Variants in TPTE2 observed in about 807,000 individuals in gnomAD.
TPTE2 encodes phosphatidylinositol 3,4,5-trisphosphate 3-phosphatase TPTE2.
TPTE2 carries 53 observed loss-of-function variants against 78.6 expected under a neutral mutation model. The ratio of observed to expected loss-of-function variants is 0.67; its 90% CI spans 0.54 to 0.85. The LOEUF (loss-of-function observed/expected upper bound fraction) is 0.85, where lower values mean the gene tolerates loss of function less well. Ranked by LOEUF, TPTE2 falls within the 40% of genes least tolerant of loss-of-function variation. TPTE2 has a pLI of 0.00. For synonymous variants in TPTE2, 175 were observed against 206.2 expected, an observed-to-expected ratio of 0.85 and a Z score of 1.30; for missense variants, 461 against 623.0, an observed-to-expected ratio of 0.74 and a Z score of 2.77.
intron 1 of TPTE2, among the ~76,000 whole-genome samples, chr13:19,528,250 G>T (rs1358879307): frequency 1.3e-5 from 2 of 151,928 alleles, no homozygotes; most frequent in African/African-American, 4.8e-5. Context: ...AGCTGGGCGT[G>T]GTGACAGACA....
At chr13:19,476,356 G>A (rs991510213) in intron 4 of TPTE2, among the ~76,000 whole-genome samples, 2 of 149,754 alleles carry the variant, frequency 1.3e-5, no homozygotes, top group Admixed American at 6.6e-5. Flanking sequence ...GGCTCTTCAG[G>A]AGGAGAAGCC....
At chr13:19,522,003 T>C (rs1244310069) in intron 1 of TPTE2, among the ~76,000 whole-genome samples, 1 of 152,206 alleles carries the variant, frequency 6.6e-6, no homozygotes, top group African/African-American at 2.4e-5. Context: ...TATAGAGATG[T>C]CTTCAAGCAA....
chr13:19,462,578 T>C (rs1593371783), intron 10 of TPTE2, among the ~76,000 whole-genome samples: 1 of 151,778 alleles, frequency 6.6e-6, no homozygotes. Context: ...AATCTTGCTC[T>C]GTCACCCAGG....
chr13:19,502,386 T>C (rs1868647704), intron 1 of TPTE2, among the ~76,000 whole-genome samples: 1 of 151,646 alleles, frequency 6.6e-6, no homozygotes, highest in African/African-American at 2.4e-5. Context: ...TAGCAGAGAC[T>C]TGGAACCAAC....
Position 19,486,256 on chromosome 13 carries a change from A to G in TPTE2, c.120-3709T>C, listed in dbSNP as rs1880655358. On this transcript the variant is annotated intron_variant, in intron 3 of 19. Transcript: ENST00000400230. The surrounding 1 kb of genome is among the most constrained non-coding windows in gnomAD (Gnocchi z 4.3). ...CATGGATGCAGTAAGTGTAGTCTCC[A>G]TGTAGTTTATTCAGCTGTGATCTAC... is the stretch of plus-strand genomic sequence containing the variant. 6.7e-6 allele frequency among the ~76,000 whole-genome samples: 1 copy of G among 149,850 alleles called. No homozygotes were observed. The highest frequency in any genetic ancestry group is 1.5e-5 in the Non-Finnish European group (1 of 67,154).
At chr13:19,525,783 G>T (rs1439742572) in intron 1 of TPTE2, among the ~76,000 whole-genome samples, 1 of 151,990 alleles carries the variant, frequency 6.6e-6, no homozygotes, top group Non-Finnish European at 1.5e-5. Flanking sequence ...AATATTTACA[G>T]ATTATGCATC....
intron 1 of TPTE2, among the ~76,000 whole-genome samples, chr13:19,509,872 T>G (rs1036478862): frequency 6.6e-6 from 1 of 152,206 alleles, no homozygotes; most frequent in Non-Finnish European, 1.5e-5. Context: ...AACTGTTTCA[T>G]AGGTGGTATT....
intron 1 of TPTE2, among the ~76,000 whole-genome samples, chr13:19,524,516 T>G (rs1870379018): frequency 6.6e-6 from 1 of 152,128 alleles, no homozygotes; most frequent in Non-Finnish European, 1.5e-5. Context: ...TTTCTAAAAT[T>G]TAACAGAGTT....
chr13:19,451,837 G>A (rs1224376384), intron 10 of TPTE2, among the ~76,000 whole-genome samples: 1 of 117,570 alleles, frequency 8.5e-6, no homozygotes, highest in African/African-American at 3.0e-5. Context: ...GTGTGTGTGT[G>A]TGTGTGTATA....
intron 4 of TPTE2, among the ~76,000 whole-genome samples, chr13:19,479,735 G>A (rs1295304977): frequency 2.6e-5 from 4 of 152,086 alleles, no homozygotes; most frequent in African/African-American, 4.8e-5. Context: ...TGGCCAAGGT[G>A]GGCGGATCAT....
chr13:19,477,851 G>C (rs1880069131), intron 4 of TPTE2, among the ~76,000 whole-genome samples: 1 of 152,196 alleles, frequency 6.6e-6, no homozygotes, highest in Non-Finnish European at 1.5e-5. Context: ...AAATAACTAT[G>C]ACTCAGTAAA....
At chr13:19,475,733 G>A in intron 4 of TPTE2, 110 bp from the exon 8 acceptor site, 1 of 1,153,160 alleles carries the variant, frequency 8.7e-7, no homozygotes, top group Non-Finnish European at 1.2e-6. Flanking sequence ...TTATTCAGAA[G>A]TTGTATAACA....
At chr13:19,528,219 T>TAA (rs35412694) in intron 1 of TPTE2, among the ~76,000 whole-genome samples, 16 of 149,856 alleles carry the variant, frequency 1.1e-4, no homozygotes, top group Admixed American at 2.0e-4. Flanking sequence ...CCTTCTCTAC[T>TAA]AAAAAAAAAT....
chr13:19,480,766 T>C (rs34736755), intron 4 of TPTE2, among the ~76,000 whole-genome samples: 1 of 152,168 alleles, frequency 6.6e-6, no homozygotes, highest in Non-Finnish European at 1.5e-5. Flanking sequence ...ATGTACACTT[T>C]GCATCTTGAT....
the TPTE2 span, among the ~76,000 whole-genome samples, chr13:19,548,597 G>A: frequency 3.3e-5 from 5 of 151,116 alleles, no homozygotes; most frequent in African/African-American, 1.2e-4. Context: ...TTTCGCCACT[G>A]AAGCCTCTAA....
chr13:19,504,681 T>C (rs1566069218), upstream of TPTE2, among the ~76,000 whole-genome samples: 1 of 152,110 alleles, frequency 6.6e-6, no homozygotes, highest in Non-Finnish European at 1.5e-5. Context: ...GCCCTGTTCC[T>C]TTTTTATCCA....
the TPTE2 span, among the ~76,000 whole-genome samples, chr13:19,550,209 A>G: frequency 4.6e-5 from 7 of 152,102 alleles, no homozygotes; most frequent in Non-Finnish European, 7.4e-5. Context: ...AATAAATGAG[A>G]GTTTTAAAAA....
chr13:19,540,280 C>CACTATTATTATTATT (rs1555258425), upstream of TPTE2, among the ~76,000 whole-genome samples: 1 of 145,068 alleles, frequency 6.9e-6, no homozygotes, highest in African/African-American at 2.5e-5. Flanking sequence ...AATTAAATCT[C>CACTATTATTATTATT]ATTATTATTA....
At chr13:19,553,834 T>C in the TPTE2 span, among the ~76,000 whole-genome samples, 7 of 152,230 alleles carry the variant, frequency 4.6e-5, no homozygotes, top group East Asian at 1.9e-4. Flanking sequence ...TGGAGGGTCA[T>C]GAAAAATGTT....
Sources: allele counts gnomAD v4.1 joint callset (sites outside exome capture counted in the v4.1 genomes callset), GRCh38; gene constraint gnomAD v4.1.1; non-coding constraint Gnocchi (gnomAD v3.1); transcripts MANE v1.5; gene names NCBI Gene and HGNC (gene_info 2026-07-23, HGNC 2026-07-21).